COL4A6: variants seen among roughly 807,000 people sequenced by gnomAD.
COL4A6 encodes the protein collagen type IV alpha 6 chain.
A neutral mutation model predicts 126.7 loss-of-function variants in COL4A6; 59 were observed. That is an observed-to-expected ratio of 0.47 (90% CI 0.38 to 0.58). The LOEUF is 0.58. Ranked by LOEUF, COL4A6 falls within the 20% of genes least tolerant of loss-of-function variation. COL4A6 has a pLI of 0.00. For missense variants in COL4A6, 1,285 were observed against 1,337.3 expected, an observed-to-expected ratio of 0.96 and a Z score of 0.61; for synonymous variants, 547 against 496.6, an observed-to-expected ratio of 1.10 and a Z score of -1.35.
At chrX:108,382,537 G>A (rs1053054317) in intron 2 of COL4A6, among the ~76,000 whole-genome samples, 1 of 111,251 alleles carries the variant, frequency 9.0e-6, no homozygotes, top group Non-Finnish European at 1.9e-5. Context: ...CCATGAATGT[G>A]TATACTGTGA....
chrX:108,355,011 G>T (rs896450717), intron 2 of COL4A6, among the ~76,000 whole-genome samples: 18 of 111,624 alleles, frequency 1.6e-4, no homozygotes, highest in Non-Finnish European at 7.5e-5. Context: ...AAAAGAGAAG[G>T]TTCATTCACA....
intron 2 of COL4A6, among the ~76,000 whole-genome samples, chrX:108,339,502 C>T (rs1462640204): frequency 9.0e-6 from 1 of 111,523 alleles, no homozygotes; most frequent in Non-Finnish European, 1.9e-5. Context: ...CCCTCACCCT[C>T]CCAAACTTTG....
chrX:108,255,844 G>A (rs1187598090), intron 3 of COL4A6, among the ~76,000 whole-genome samples: 2 of 111,354 alleles, frequency 1.8e-5, no homozygotes, highest in Non-Finnish European at 3.8e-5. Flanking sequence ...AATGATCAAG[G>A]CTTCATAGAA....
chrX:108,269,749 G>A (rs1018523798), intron 3 of COL4A6, among the ~76,000 whole-genome samples: 1 of 111,977 alleles, frequency 8.9e-6, no homozygotes, highest in African/African-American at 3.2e-5. Flanking sequence ...ATCATGTGAC[G>A]TTTGGATTTT....
intron 3 of COL4A6, among the ~76,000 whole-genome samples, chrX:108,242,256 G>C (rs1328353168): frequency 9.0e-6 from 1 of 111,325 alleles, no homozygotes; most frequent in Non-Finnish European, 1.9e-5. Flanking sequence ...ACATAAAATT[G>C]GTCCTTTTAG....
intron 2 of COL4A6, among the ~76,000 whole-genome samples, chrX:108,313,394 C>T (rs1242299577): frequency 8.9e-6 from 1 of 111,844 alleles, no homozygotes; most frequent in African/African-American, 3.3e-5. Flanking sequence ...TAACTCTATC[C>T]GAGCAGTACT....
At chrX:108,240,102 G>C (rs549856454) in intron 3 of COL4A6, among the ~76,000 whole-genome samples, 2 of 110,976 alleles carry the variant, frequency 1.8e-5, no homozygotes, top group African/African-American at 6.6e-5. Flanking sequence ...AATTAGTTGG[G>C]CGTGGTGGTG....
At chrX:108,434,188 G>T (rs1441879485) in intron 2 of COL4A6, among the ~76,000 whole-genome samples, 4 of 111,989 alleles carry the variant, frequency 3.6e-5, no homozygotes, top group Non-Finnish European at 7.5e-5. Flanking sequence ...ACAAACATTA[G>T]AAAATGACTG....
chrX:108,209,886 A>G, intron 8 of COL4A6, 83 bp downstream of exon 8: 1 of 1,056,009 alleles, frequency 9.5e-7, no homozygotes, highest in Non-Finnish European at 1.3e-6. Flanking sequence ...CAAAGACCTT[A>G]GAACATCATA....
intron 13 of COL4A6, 90 bp downstream of exon 13, chrX:108,202,838 T>C: frequency 9.9e-6 from 7 of 707,082 alleles, no homozygotes; most frequent in Non-Finnish European, 1.6e-5. Context: ...ACAATATCCA[T>C]GGGAAGAGGT....
chrX:108,315,638 C>T (rs948827935), intron 2 of COL4A6, among the ~76,000 whole-genome samples: 5 of 112,023 alleles, frequency 4.5e-5, no homozygotes, highest in African/African-American at 1.6e-4. Context: ...ATGCTGGTTC[C>T]TATGTCTAAA....
intron 2 of COL4A6, among the ~76,000 whole-genome samples, chrX:108,314,661 C>T (rs1362189928): frequency 8.9e-6 from 1 of 112,140 alleles, no homozygotes; most frequent in Non-Finnish European, 1.9e-5. Context: ...GAGGCAGTAT[C>T]CCTTAATTAG....
At chrX:108,333,910 T>C (rs978752487) in intron 2 of COL4A6, among the ~76,000 whole-genome samples, 2 of 111,058 alleles carry the variant, frequency 1.8e-5, no homozygotes, top group Non-Finnish European at 3.8e-5. Flanking sequence ...CACAAACAAA[T>C]GGAGAAACAA....
chrX:108,319,610 T>C (rs1001799499), intron 2 of COL4A6, among the ~76,000 whole-genome samples: 10 of 111,947 alleles, frequency 8.9e-5, no homozygotes, highest in Admixed American at 6.6e-4. Context: ...AGACAAGATA[T>C]GAAAACATAC....
chrX:108,411,824 G>C (rs2041336737), intron 2 of COL4A6, among the ~76,000 whole-genome samples: 1 of 111,492 alleles, frequency 9.0e-6, no homozygotes, highest in Non-Finnish European at 1.9e-5. Context: ...GCAAAACCTG[G>C]AGGCATTTCA....
rs763186940 is a variant in COL4A6 at position 108,175,015 on chromosome X, T to C, written c.2956+75A>G. 81 of 1,096,664 alleles carry C rather than the reference T, an allele frequency of 7.4e-5. No individual in the cohort carries two copies. The African/African-American group carries it at 1.4e-3, about 19-fold the overall frequency. 90.4% of individuals were successfully genotyped at this position (1,096,664 alleles called of 1,213,427 possible). On this transcript the variant is annotated intron_variant, in intron 30 of 44. Coordinates refer to ENST00000334504, the MANE Select transcript of COL4A6 (RefSeq NM_033641.4). ...ATGGGGGGCTGTACTTGAGGGCCTTTGCTCAAGAAGGAAGCCAAGTTTGGT... is the reference window on the plus strand; with the variant it reads ...ATGGGGGGCTGTACTTGAGGGCCTTCGCTCAAGAAGGAAGCCAAGTTTGGT...
At chrX:108,410,161 G>A (rs1264671578) in intron 2 of COL4A6, among the ~76,000 whole-genome samples, 3 of 111,423 alleles carry the variant, frequency 2.7e-5, no homozygotes, top group African/African-American at 9.8e-5. Flanking sequence ...GGTCTAGGAG[G>A]CCTAACAATG....
intron 3 of COL4A6, among the ~76,000 whole-genome samples, chrX:108,294,311 G>T (rs1416295004): frequency 9.1e-6 from 1 of 110,456 alleles, no homozygotes; most frequent in African/African-American, 3.3e-5. Context: ...TCTAACAAAG[G>T]GTAACAAATT....
intron 2 of COL4A6, among the ~76,000 whole-genome samples, chrX:108,407,852 G>A (rs181079803): frequency 1.8e-5 from 2 of 112,179 alleles, no homozygotes; most frequent in Admixed American, 9.5e-5. Context: ...TGGTGATCGC[G>A]TTAGTACCAG....
Sources: allele counts gnomAD v4.1 joint callset (sites outside exome capture counted in the v4.1 genomes callset), GRCh38; gene constraint gnomAD v4.1.1; transcripts MANE v1.5; gene names NCBI Gene and HGNC (gene_info 2026-07-23, HGNC 2026-07-21).